INPP5D: variants seen among roughly 807,000 people sequenced by gnomAD.
INPP5D encodes phosphatidylinositol 3,4,5-trisphosphate 5-phosphatase 1.
Under a neutral mutation model 122.9 loss-of-function variants are expected in INPP5D, and 33 were observed. The observed-to-expected ratio is 0.27, with a 90% CI of 0.20 to 0.36. The LOEUF is 0.36. Ranked by LOEUF, INPP5D falls within the 10% of genes least tolerant of loss-of-function variation. The pLI, the probability that INPP5D is intolerant of heterozygous loss-of-function variation, is 1.00. For missense variants in INPP5D, 1,053 were observed against 1,412.7 expected (o/e 0.75, Z 4.08); for synonymous variants, 584 against 576.2 (o/e 1.01, Z -0.19).
intron 5 of INPP5D, among the ~76,000 whole-genome samples, chr2:233,137,854 ATATATATATATATATATATATATATAT>A (rs1394349806): frequency 6.7e-4 from 6 of 8,890 alleles, no homozygotes; most frequent in African/African-American, 1.2e-3. Context: ...AAAAAAAAAA[ATATATATATATATATATATATATATAT>A]ATATATATAT....
intron 2 of INPP5D, among the ~76,000 whole-genome samples, chr2:233,107,215 T>C (rs1574731374): frequency 6.6e-6 from 1 of 151,904 alleles, no homozygotes; most frequent in African/African-American, 2.4e-5. Flanking sequence ...AGGCAGGGGG[T>C]AGGCAGGGAC....
chr2:233,089,583 A>G (rs1691939497), intron 2 of INPP5D, among the ~76,000 whole-genome samples: 1 of 152,146 alleles, frequency 6.6e-6, no homozygotes, highest in Non-Finnish European at 1.5e-5. Context: ...GCAGTATTTG[A>G]GTCATGATCC....
At chr2:233,092,879 ACC>A in intron 2 of INPP5D, among the ~76,000 whole-genome samples, 1 of 147,090 alleles carries the variant, frequency 6.8e-6, no homozygotes. Context: ...AGCCCCCAGC[ACC>A]CCTACAGCCA....
chr2:233,063,940 C>G (rs1691142577), intron 1 of INPP5D, among the ~76,000 whole-genome samples: 1 of 152,278 alleles, frequency 6.6e-6, no homozygotes, highest in Non-Finnish European at 1.5e-5. Flanking sequence ...AGCTGTCAGG[C>G]TCATGCCCTC....
In INPP5D at chr2:233,082,748, C is replaced by T. The variant is rs1004264544; in HGVS notation, c.198+3350C>T. Among the ~76,000 whole-genome samples, 14 of 152,286 alleles carry T rather than the reference C, an allele frequency of 9.2e-5. No individual in the cohort carries two copies. The South Asian group carries it at 1.2e-3, about 14-fold the overall frequency. ...ATCTTTCACAGACTTAAAAAAAATC[C>T]GAGATGGGAGGGCAGGATGCAAACT... On this transcript the variant is annotated intron_variant, in intron 2 of 26. Transcript: ENST00000445964. This position sits in a 1 kb window ranked among gnomAD's most constrained non-coding sequence, Gnocchi z 4.7.
intron 2 of INPP5D, among the ~76,000 whole-genome samples, chr2:233,102,577 G>A (rs543511037): frequency 1.7e-4 from 26 of 150,742 alleles, no homozygotes; most frequent in Middle Eastern, 7.2e-3. Flanking sequence ...ACAGCGCCTC[G>A]GTGGCTCACG....
intron 4 of INPP5D, among the ~76,000 whole-genome samples, chr2:233,130,039 T>C (rs775990288): frequency 1.3e-5 from 2 of 152,096 alleles, no homozygotes; most frequent in African/African-American, 4.8e-5. Context: ...GTAGCTGAGA[T>C]TGCAGGCACC....
chr2:233,083,973 T>G (rs1045868873), intron 2 of INPP5D, among the ~76,000 whole-genome samples: 2 of 152,240 alleles, frequency 1.3e-5, no homozygotes, highest in Non-Finnish European at 2.9e-5. Context: ...GTGAACTTCC[T>G]GTCTTTTCTT....
intron 11 of INPP5D, among the ~76,000 whole-genome samples, chr2:233,162,724 G>T (rs1694228643): frequency 6.6e-6 from 1 of 152,216 alleles, no homozygotes; most frequent in African/African-American, 2.4e-5. Flanking sequence ...AGGGTGAGCA[G>T]TGGCTGGCAG....
chr2:233,200,228 G>A (rs112051049), intron 25 of INPP5D, among the ~76,000 whole-genome samples: 1 of 152,234 alleles, frequency 6.6e-6, no homozygotes, highest in Non-Finnish European at 1.5e-5. Flanking sequence ...AGGCACAGAC[G>A]CTCTCTGGTG....
Position 233,204,191 on chromosome 2 carries a change from C to T in INPP5D, c.3041C>T (p.Pro1014Leu). The stretch of plus-strand genomic sequence containing the variant: ...CAGGAGGACCTGCCGCTGACGAAGC[C>T]CGAGATGTTTGAGAACCCCCTGTAT... ...LPQEDLPLTK[P>L]EMFENPLYGS... Residue 1014 changes from proline to leucine, a missense_variant, in exon 26 of 27, where the codon CCC becomes CTC. Pro to Leu is a moderately conservative substitution (Grantham distance 98, BLOSUM62 -3). Coordinates refer to ENST00000445964, the MANE Select transcript of INPP5D (RefSeq NM_001017915.3). The T allele has an allele frequency of 6.2e-7, 1 of 1,611,456 alleles. No homozygotes were observed. Among genetic ancestry groups the T allele is most frequent in the Non-Finnish European group, 8.5e-7 (1 of 1,178,960 alleles).
intron 17 of INPP5D, among the ~76,000 whole-genome samples, chr2:233,172,136 C>T (rs895647219): frequency 1.3e-5 from 2 of 152,248 alleles, no homozygotes; most frequent in Admixed American, 6.5e-5. Context: ...CACCCCATTC[C>T]GCAGGGTCCA....
chr2:233,183,094 A>C lies in INPP5D; in HGVS notation c.2161+595A>C, dbSNP rs1421246833. Among the ~76,000 whole-genome samples, 1 of 152,152 alleles carries C rather than the reference A, an allele frequency of 6.6e-6. No homozygotes were observed. The highest frequency in any genetic ancestry group is 1.5e-5 in the Non-Finnish European group (1 of 68,030). On this transcript the variant is annotated intron_variant, in intron 19 of 26. Coordinates refer to ENST00000445964, the MANE Select transcript of INPP5D (RefSeq NM_001017915.3). This position sits in a 1 kb window ranked among gnomAD's most constrained non-coding sequence, Gnocchi z 4.6. The stretch of plus-strand genomic sequence containing the variant: ...GTAAATAATATTTAGATTTGCAGGT[A>C]ATTTTTCAAATAATCCAGCTCAGCC...
rs556901773 is a variant in INPP5D at position 233,204,669 on chromosome 2, C to T, written c.3519C>T (p.His1173=). The T allele has an allele frequency of 1.5e-5, 24 of 1,575,398 alleles. No individual in the cohort carries two copies. The African/African-American group carries it at 3.2e-4, about 21-fold the overall frequency. Residue 1173 remains histidine, a synonymous_variant, in exon 26 of 27, where the codon CAC becomes CAT. Coordinates refer to ENST00000445964, the MANE Select transcript of INPP5D (RefSeq NM_001017915.3). The part of the protein sequence containing the change: ...DNTELPHHGK[H]RPEEGPPGPL... ...CCGAGCTCCCGCATCACGGCAAGCA[C>T]CGGCCGGAGGAGGGGCCACCAGGGC...
intron 5 of INPP5D, among the ~76,000 whole-genome samples, chr2:233,136,453 T>C (rs1458886186): frequency 6.7e-6 from 1 of 148,330 alleles, no homozygotes; most frequent in Admixed American, 6.8e-5. Flanking sequence ...TGCTCCAGGC[T>C]GGATGACAGA....
intron 24 of INPP5D, among the ~76,000 whole-genome samples, chr2:233,196,799 T>A (rs1161653875): frequency 4.6e-5 from 7 of 151,916 alleles, no homozygotes; most frequent in Non-Finnish European, 1.0e-4. Flanking sequence ...GTTCCTCTCC[T>A]CCCTCCCTTC....
At chr2:233,110,025 T>C (rs972162283) in intron 2 of INPP5D, among the ~76,000 whole-genome samples, 4 of 151,770 alleles carry the variant, frequency 2.6e-5, no homozygotes, top group Non-Finnish European at 4.4e-5. Context: ...GCTGAGACTA[T>C]AGGCATGTGC....
chr2:233,119,553 A>AAGAATTT (rs1249022574), intron 2 of INPP5D, among the ~76,000 whole-genome samples: 3 of 152,140 alleles, frequency 2.0e-5, no homozygotes, highest in Non-Finnish European at 4.4e-5. Flanking sequence ...ATTTATTGAA[A>AAGAATTT]AGAATTTAGA....
intron 2 of INPP5D, among the ~76,000 whole-genome samples, chr2:233,090,764 C>G (rs915691344): frequency 6.6e-6 from 1 of 152,058 alleles, no homozygotes; most frequent in Admixed American, 6.6e-5. Flanking sequence ...TCGAGACCAG[C>G]CTGGCCAACA....
Sources: gnomAD v4.1 joint callset for allele counts (sites outside exome capture counted in the v4.1 genomes callset) on GRCh38, gnomAD v4.1.1 for gene constraint, Gnocchi (gnomAD v3.1) non-coding constraint, MANE v1.5 for transcripts, NCBI Gene and HGNC (gene_info 2026-07-23, HGNC 2026-07-21) for gene names.